The following NYAP2 variants were observed in gnomAD, a reference collection of about 807,000 sequenced individuals.
The protein encoded by NYAP2 is neuronal tyrosine-phosphorylated phosphoinositide-3-kinase adaptor 2, also known as neuronal tyrosine-phosphorylated phosphoinositide-3-kinase adapter 2.
In NYAP2, 23 loss-of-function variants were observed where a neutral mutation model predicts 50.4. The observed-to-expected ratio is 0.46, with a 90% CI of 0.33 to 0.65. NYAP2 has a LOEUF of 0.65. Ranked by LOEUF, NYAP2 falls within the 30% of genes least tolerant of loss-of-function variation. NYAP2 has a pLI of 0.02. For missense variants in NYAP2, 885 were observed against 861.0 expected, an observed-to-expected ratio of 1.03 and a Z score of -0.35; for synonymous variants, 394 against 365.2, an observed-to-expected ratio of 1.08 and a Z score of -0.90.
At chr2:225,629,211 T>A (rs1487489490) in intron 6 of NYAP2, among the ~76,000 whole-genome samples, 1 of 152,176 alleles carries the variant, frequency 6.6e-6, no homozygotes, top group Non-Finnish European at 1.5e-5. Flanking sequence ...AATGCAGATG[T>A]CCAAGTGCAA....
At chr2:225,522,048 T>A (rs149687884) in intron 4 of NYAP2, among the ~76,000 whole-genome samples, 81 of 152,288 alleles carry the variant, frequency 5.3e-4, no homozygotes, top group African/African-American at 1.9e-3. Context: ...CCAGATTTTC[T>A]AGTTTATTTG....
chr2:225,450,199 C>T (rs1011673657), intron 3 of NYAP2, among the ~76,000 whole-genome samples: 8 of 152,120 alleles, frequency 5.3e-5, no homozygotes, highest in Admixed American at 1.3e-4. Flanking sequence ...GAGTAGGGAG[C>T]AGCCTCATAG....
In NYAP2 at chr2:225,473,270, C is replaced by T. The variant is rs534025328; in HGVS notation, c.222-40101C>T. Among the ~76,000 whole-genome samples, 944 of 152,190 alleles carry T rather than the reference C, an allele frequency of 6.2e-3. 13 individuals carry two copies. Among genetic ancestry groups the T allele is most frequent in the African/African-American group, 0.021 (880 of 41,508 alleles). On this transcript the variant is annotated intron_variant, in intron 3 of 6. Transcript: ENST00000636099. ...TGTGAATAGTGCCACAATAAACATA[C>T]GTGTGCATGTGTCTTTATAGCAGCA...
exon 7 of NYAP2, chr2:225,651,479 G>A: frequency 6.2e-7 from 1 of 1,613,968 alleles, no homozygotes; most frequent in Non-Finnish European, 8.5e-7. Flanking sequence ...GACGTCAGGT[G>A]TGCCTCCTCC....
chr2:225,492,641 C>T (rs1054277470), intron 3 of NYAP2, among the ~76,000 whole-genome samples: 53 of 152,110 alleles, frequency 3.5e-4, no homozygotes, highest in African/African-American at 1.1e-3. Context: ...ACTGTACATG[C>T]GTGGCCCTGG....
intron 3 of NYAP2, among the ~76,000 whole-genome samples, chr2:225,460,843 A>G (rs989868143): frequency 2.0e-5 from 3 of 152,036 alleles, no homozygotes; most frequent in African/African-American, 7.2e-5. Flanking sequence ...TGTTTTCCAA[A>G]TTAGCCGGGC....
chr2:225,568,023 A>G (rs912693062), intron 4 of NYAP2, among the ~76,000 whole-genome samples: 2 of 152,172 alleles, frequency 1.3e-5, no homozygotes, highest in Non-Finnish European at 2.9e-5. Context: ...TTTATTCCCT[A>G]TATTGCTAGT....
chr2:225,693,177 A>C, the NYAP2 span, among the ~76,000 whole-genome samples: 5 of 152,096 alleles, frequency 3.3e-5, no homozygotes, highest in Non-Finnish European at 5.9e-5. Flanking sequence ...GATAGCATGT[A>C]AATTAATTAC....
intron 6 of NYAP2, among the ~76,000 whole-genome samples, chr2:225,641,357 A>T (rs1274678965): frequency 1.3e-5 from 2 of 151,790 alleles, no homozygotes; most frequent in African/African-American, 4.8e-5. Flanking sequence ...TAATCGGCCC[A>T]GAATACGTAT....
intron 4 of NYAP2, among the ~76,000 whole-genome samples, chr2:225,521,685 A>G (rs1691061988): frequency 6.6e-6 from 1 of 151,794 alleles, no homozygotes; most frequent in Non-Finnish European, 1.5e-5. Context: ...CCAGTATTTT[A>G]TTGAGGATTT....
the NYAP2 span, among the ~76,000 whole-genome samples, chr2:225,694,072 C>G: frequency 6.5e-4 from 99 of 152,040 alleles, no homozygotes; most frequent in African/African-American, 2.1e-3. Flanking sequence ...AACTGTCCTA[C>G]AGTTAACTTT....
At chr2:225,522,021 G>A (rs1289564804) in intron 4 of NYAP2, among the ~76,000 whole-genome samples, 2 of 152,094 alleles carry the variant, frequency 1.3e-5, no homozygotes, top group South Asian at 2.1e-4. Context: ...ATGTGTCGAG[G>A]AATTTATCCA....
chr2:225,583,179 A>T, intron 5 of NYAP2, 144 bp downstream of exon 5: 2 of 1,057,758 alleles, frequency 1.9e-6, no homozygotes, highest in Non-Finnish European at 2.6e-6. Flanking sequence ...AAAATGTGTT[A>T]GTTCATTTTT....
At chr2:225,473,839 T>C (rs1198438059) in intron 3 of NYAP2, among the ~76,000 whole-genome samples, 3 of 152,014 alleles carry the variant, frequency 2.0e-5, no homozygotes, top group Non-Finnish European at 2.9e-5. Flanking sequence ...CAATTTTGGC[T>C]TTTGTTGCCA....
intron 3 of NYAP2, among the ~76,000 whole-genome samples, chr2:225,429,547 A>C (rs560645790): frequency 4.6e-5 from 7 of 152,362 alleles, no homozygotes; most frequent in Admixed American, 1.3e-4. Context: ...AGGTAGCTAA[A>C]AATCTCACTG....
chr2:225,480,307 A>T (rs959451247), intron 3 of NYAP2, among the ~76,000 whole-genome samples: 1 of 152,120 alleles, frequency 6.6e-6, no homozygotes, highest in Non-Finnish European at 1.5e-5. Context: ...AGATTTATAT[A>T]TGTATACTAG....
chr2:225,701,436 T>C, the NYAP2 span: 4 of 151,784 alleles, frequency 2.6e-5, no homozygotes, highest in African/African-American at 9.7e-5. Flanking sequence ...CAGAATTTTA[T>C]TGGATGTCAC....
intron 3 of NYAP2, among the ~76,000 whole-genome samples, chr2:225,436,908 A>G (rs1248275224): frequency 2.0e-5 from 3 of 151,980 alleles, no homozygotes; most frequent in Non-Finnish European, 4.4e-5. Flanking sequence ...TCAGAGCCTC[A>G]TTCCTTCAAG....
At chr2:225,402,272 A>T (rs1694875961) in intron 2 of NYAP2, among the ~76,000 whole-genome samples, 1 of 152,038 alleles carries the variant, frequency 6.6e-6, no homozygotes, top group Non-Finnish European at 1.5e-5. Flanking sequence ...AAGTGTAAAA[A>T]TCCTAGACAC....
Sources: allele counts gnomAD v4.1 joint callset (sites outside exome capture counted in the v4.1 genomes callset), GRCh38; gene constraint gnomAD v4.1.1; transcripts MANE v1.5; gene names NCBI Gene and HGNC (gene_info 2026-07-23, HGNC 2026-07-21).